Variants in DLG2 observed in about 807,000 individuals in gnomAD.
The protein encoded by DLG2 is discs large MAGUK scaffold protein 2.
Under a neutral mutation model 132.5 loss-of-function variants are expected in DLG2, and 45 were observed. The observed-to-expected ratio is 0.34, with a 90% confidence interval of 0.27 to 0.44. DLG2 has a LOEUF of 0.44. Among genes scored for constraint, DLG2 ranks in the 20% least tolerant of loss-of-function variants. The pLI is 1.00. For missense variants in DLG2, 1,045 were observed against 1,196.9 expected, an observed-to-expected ratio of 0.87 and a Z score of 1.87; for synonymous variants, 424 against 419.6, an observed-to-expected ratio of 1.01 and a Z score of -0.13.
At chr11:83,575,028 C>G (rs924505551) in intron 19 of DLG2, among the ~76,000 whole-genome samples, 1 of 152,150 alleles carries the variant, frequency 6.6e-6, no homozygotes, top group African/African-American at 2.4e-5. Flanking sequence ...GTTTGATTAG[C>G]TGAATCTAAA....
chr11:85,495,502 G>T (rs2093649939), intron 3 of DLG2, among the ~76,000 whole-genome samples: 1 of 152,050 alleles, frequency 6.6e-6, no homozygotes, highest in Non-Finnish European at 1.5e-5. Context: ...CAAAGGAAGA[G>T]ATTTATGCAG....
At chr11:84,991,422 T>C (rs1215128520) in intron 6 of DLG2, among the ~76,000 whole-genome samples, 1 of 144,982 alleles carries the variant, frequency 6.9e-6, no homozygotes, top group East Asian at 2.0e-4. Context: ...AGTGGGAGGA[T>C]CGATTTACCC....
intron 3 of DLG2, among the ~76,000 whole-genome samples, chr11:85,403,982 A>G (rs758716678): frequency 2.6e-5 from 4 of 152,092 alleles, no homozygotes; most frequent in Non-Finnish European, 4.4e-5. Context: ...GAGAAGAACC[A>G]TAGCCACCAA....
intron 7 of DLG2, among the ~76,000 whole-genome samples, chr11:84,376,194 T>G (rs754750274): frequency 2.6e-5 from 4 of 151,958 alleles, no homozygotes; most frequent in Non-Finnish European, 4.4e-5. Flanking sequence ...TCTTTTTAAT[T>G]CTTAATTTTT....
intron 7 of DLG2, among the ~76,000 whole-genome samples, chr11:84,263,061 G>A (rs1218653264): frequency 6.6e-6 from 1 of 152,134 alleles, no homozygotes. Context: ...GGAGTCAGGA[G>A]ATCTTAGTTT....
chr11:84,169,781 G>A lies in DLG2; in HGVS notation c.574-6270C>T, dbSNP rs559070753. Among the ~76,000 whole-genome samples, 4 of 152,016 alleles carry A rather than the reference G, an allele frequency of 2.6e-5. No homozygotes were observed. The East Asian group carries it at 5.8e-4, about 22-fold the overall frequency. On this transcript the variant is annotated intron_variant, in intron 8 of 27. Coordinates refer to ENST00000376104, the MANE Select transcript of DLG2 (RefSeq NM_001142699.3). ...CCAGCTACTCTGGAGGCTGAGGCAT[G>A]AGAATCGCTTGAAGCAGGGAGGCAG...
At chr11:85,314,955 C>T (rs1173727376) in intron 3 of DLG2, among the ~76,000 whole-genome samples, 1 of 152,018 alleles carries the variant, frequency 6.6e-6, no homozygotes, top group Non-Finnish European at 1.5e-5. Context: ...CCAGATTTCA[C>T]AGGCTCTGTG....
At chr11:84,600,205 AAAG>A (rs1375711210) in intron 6 of DLG2, among the ~76,000 whole-genome samples, 2 of 137,304 alleles carry the variant, frequency 1.5e-5, no homozygotes, top group Non-Finnish European at 3.0e-5. Flanking sequence ...AGAAAGAAAG[AAAG>A]AAAGAAAGAA....
At chr11:83,994,264 T>C (rs1245678665) in intron 11 of DLG2, among the ~76,000 whole-genome samples, 1 of 152,208 alleles carries the variant, frequency 6.6e-6, no homozygotes, top group African/African-American at 2.4e-5. Flanking sequence ...TGCTGTGATA[T>C]GCACAAATAT....
At chr11:83,703,135 C>T (rs1000711370) in intron 18 of DLG2, among the ~76,000 whole-genome samples, 2 of 152,172 alleles carry the variant, frequency 1.3e-5, no homozygotes, top group Non-Finnish European at 2.9e-5. Context: ...TGGTTAAAGC[C>T]TATTTCCTCT....
chr11:84,867,869 T>C (rs1476546528), intron 6 of DLG2, among the ~76,000 whole-genome samples: 1 of 152,064 alleles, frequency 6.6e-6, no homozygotes, highest in African/African-American at 2.4e-5. Context: ...AGTCAGGAGA[T>C]GGAGACCATC....
chr11:85,080,769 T>C (rs1436033572), intron 6 of DLG2, among the ~76,000 whole-genome samples: 1 of 152,116 alleles, frequency 6.6e-6, no homozygotes, highest in Admixed American at 6.5e-5. Context: ...AGTCTCTCAA[T>C]TGTTGTCCAA....
At chr11:84,303,781 G>A (rs886332403) in intron 7 of DLG2, among the ~76,000 whole-genome samples, 3 of 152,154 alleles carry the variant, frequency 2.0e-5, no homozygotes, top group Non-Finnish European at 4.4e-5. Context: ...GTAAATCTGT[G>A]TAAACTTAAA....
At chr11:85,434,575 A>C (rs1172770531) in intron 3 of DLG2, among the ~76,000 whole-genome samples, 1 of 152,220 alleles carries the variant, frequency 6.6e-6, no homozygotes, top group Non-Finnish European at 1.5e-5. Context: ...GAAGTCTACA[A>C]GTAATGGATA....
rs531377540 is a variant in DLG2, at chr11:84,764,873, G to T, written c.358-230142C>A. Among the ~76,000 whole-genome samples, 27 of 152,178 alleles carry T rather than the reference G, an allele frequency of 1.8e-4. No homozygotes were observed. The East Asian group carries it at 4.1e-3, about 23-fold the overall frequency. ...TTACTGGTAAGTAAAGATGAAAGGG[G>T]AAATGTAGGCAGGTTCAGTTCATGG... On this transcript the variant is annotated intron_variant, in intron 6 of 27. Transcript: ENST00000376104.
At chr11:84,563,464 G>A (rs1328313052) in intron 6 of DLG2, among the ~76,000 whole-genome samples, 1 of 152,078 alleles carries the variant, frequency 6.6e-6, no homozygotes, top group African/African-American at 2.4e-5. Flanking sequence ...CAATCCCCAG[G>A]GCTGGAAGGA....
At position 84,513,779 on chromosome 11, in the gene DLG2, CA is replaced by C. The variant is rs921326376; in HGVS notation, c.519+20790del. Among the ~76,000 whole-genome samples the C allele has an allele frequency of 2.1e-3, 307 of 145,312 alleles. 1 individual carries two copies. Among genetic ancestry groups the C allele is most frequent in the African/African-American group, 3.2e-3 (129 of 39,808 alleles). Reference sequence around the variant, plus strand: ...ATCCAGGACATTGGTCCAGGCCCCCCAAAAAAAAAAATCTTGAATAATACCC... The same window carrying C: ...ATCCAGGACATTGGTCCAGGCCCCCCAAAAAAAAAATCTTGAATAATACCC... On this transcript the variant is annotated intron_variant, in intron 7 of 27. Coordinates refer to ENST00000376104, the MANE Select transcript of DLG2 (RefSeq NM_001142699.3).
intron 16 of DLG2, among the ~76,000 whole-genome samples, chr11:83,842,732 C>A (rs1304283077): frequency 6.7e-6 from 1 of 148,712 alleles, no homozygotes; most frequent in South Asian, 2.2e-4. Context: ...AGGAGAATGG[C>A]GTGAACCTGG....
At chr11:83,493,076 T>G (rs115112749) in intron 21 of DLG2, among the ~76,000 whole-genome samples, 1,539 of 152,230 alleles carry the variant, frequency 0.01, 19 homozygotes, top group African/African-American at 0.034. Flanking sequence ...TGTGCCTTCT[T>G]TGCCTCACTG....
Sources: allele counts gnomAD v4.1 joint callset (sites outside exome capture counted in the v4.1 genomes callset), GRCh38; gene constraint gnomAD v4.1.1; transcripts MANE v1.5; gene names NCBI Gene and HGNC (gene_info 2026-07-23, HGNC 2026-07-21).